The following TNRC6B variants were observed in gnomAD, a reference collection of about 807,000 sequenced individuals.
TNRC6B encodes trinucleotide repeat containing adaptor 6B.
TNRC6B carries 52 observed loss-of-function variants against 203.6 expected under a neutral mutation model. The observed-to-expected ratio is 0.26, with a 90% CI of 0.20 to 0.32. TNRC6B has a LOEUF of 0.32. Ranked by LOEUF, TNRC6B falls within the 10% of genes least tolerant of loss-of-function variation. The pLI is 1.00. For synonymous variants in TNRC6B, 838 were observed against 845.7 expected (o/e 0.99, Z 0.16); for missense variants, 1,923 against 2,286.2 (o/e 0.84, Z 3.24).
chr22:40,104,485 A>C (rs1280939810), intron 1 of TNRC6B, among the ~76,000 whole-genome samples: 1 of 152,222 alleles, frequency 6.6e-6, no homozygotes, highest in East Asian at 1.9e-4. Context: ...ATGTAGATCC[A>C]AATTTGGAGT....
intron 3 of TNRC6B, among the ~76,000 whole-genome samples, chr22:40,257,411 G>C (rs2070296893): frequency 6.6e-6 from 1 of 152,152 alleles, no homozygotes; most frequent in Non-Finnish European, 1.5e-5. Flanking sequence ...GCACGTAAAT[G>C]GTTCTTAAAA....
intron 1 of TNRC6B, among the ~76,000 whole-genome samples, chr22:40,184,646 G>A (rs2069177503): frequency 6.6e-6 from 1 of 152,212 alleles, no homozygotes; most frequent in African/African-American, 2.4e-5. Context: ...AGATGATACT[G>A]TAGTAATCTC....
Position 40,262,003 on chromosome 22 carries a change from G to A in TNRC6B, c.287G>A (p.Arg96His), listed in dbSNP as rs773882417. ...YMPREVPPRF[R>H]CQQDHKVLLK... Reference sequence around the variant, plus strand: ...CCTCGGGAGGTGCCGCCGCGATTCCGTTGCCAGCAGGACCACAAAGTGTTA... The same window carrying A: ...CCTCGGGAGGTGCCGCCGCGATTCCATTGCCAGCAGGACCACAAAGTGTTA... The change falls in exon 4 of 23, where the codon CGT becomes CAT. Residue 96 changes from arginine to histidine, a missense_variant. This residue lies in a region of TNRC6B where 111 missense variants were observed against 155.3 expected (regional missense o/e 0.71). Transcript: ENST00000454349. 6.2e-7 allele frequency: 1 copy of A among 1,609,020 alleles called. No individual in the cohort carries two copies. The highest frequency in any genetic ancestry group is 2.2e-5 in the East Asian group (1 of 44,718).
rs1399707649 is a variant in TNRC6B, at chr22:40,102,133, C to T, written c.-120-14922C>T. Among the ~76,000 whole-genome samples, 5 of 152,280 alleles carry T rather than the reference C, an allele frequency of 3.3e-5. No individual in the cohort carries two copies. In the East Asian group the frequency reaches 7.7e-4, roughly 23 times the overall value. On this transcript the variant is annotated intron_variant, in intron 1 of 23. Transcript: ENST00000301923. ...AACCCTATTTAGAAATCGTGTTTATCATATGAATATATTTTTTTAAAAAAA... is the reference window on the plus strand; with the variant it reads ...AACCCTATTTAGAAATCGTGTTTATTATATGAATATATTTTTTTAAAAAAA...
Position 40,312,587 on chromosome 22 carries a change from G to A in TNRC6B, c.4518G>A (p.Leu1506=), listed in dbSNP as rs759904036. ...SDPYVTPGSV[L]GGTATSPIVD... is the part of the protein sequence containing the mutation. ...CCTATGTCACCCCAGGAAGTGTGCT[G>A]GGGGGTACAGCCACATCTCCCATTG... Residue 1506 remains leucine (L), a synonymous_variant, in exon 18 of 23, where the codon CTG becomes CTA. Transcript: ENST00000454349. 2.5e-6 allele frequency: 4 copies of A among 1,613,600 alleles called. No individual in the cohort carries two copies. The highest frequency in any genetic ancestry group is 3.4e-6 in the Non-Finnish European group (4 of 1,179,830).
chr22:40,250,744 A>ATGCCTC (rs746275725), intron 2 of TNRC6B, among the ~76,000 whole-genome samples: 9 of 152,150 alleles, frequency 5.9e-5, no homozygotes, highest in African/African-American at 9.7e-5. Context: ...GATGCCTCTG[A>ATGCCTC]TGATGAGTCC....
intron 15 of TNRC6B, among the ~76,000 whole-genome samples, chr22:40,302,773 CTT>C (rs1215413660): frequency 6.6e-6 from 1 of 152,174 alleles, no homozygotes; most frequent in Non-Finnish European, 1.5e-5. Context: ...TGAGCAAAGA[CTT>C]CAAGGTGTTC....
At chr22:40,308,037 G>T (rs2071114815) in intron 15 of TNRC6B, among the ~76,000 whole-genome samples, 1 of 152,086 alleles carries the variant, frequency 6.6e-6, no homozygotes, top group African/African-American at 2.4e-5. Context: ...TGATTATCAA[G>T]AGTCAGAGCT....
At chr22:40,210,102 G>A (rs1448116498) in intron 1 of TNRC6B, among the ~76,000 whole-genome samples, 1 of 151,822 alleles carries the variant, frequency 6.6e-6, no homozygotes, top group East Asian at 1.9e-4. Flanking sequence ...CACCACTGTT[G>A]GAGACCTTGT....
chr22:40,166,409 C>A (rs567243286), intron 4 of TNRC6B, among the ~76,000 whole-genome samples: 2 of 150,528 alleles, frequency 1.3e-5, no homozygotes, highest in Non-Finnish European at 2.9e-5. Context: ...TTTTCCCCTA[C>A]ATTTTTTGGC....
At chr22:40,287,598 G>C (rs139271554) in intron 12 of TNRC6B, among the ~76,000 whole-genome samples, 3 of 152,298 alleles carry the variant, frequency 2.0e-5, no homozygotes, top group Non-Finnish European at 4.4e-5. Context: ...CCTTTAGACA[G>C]AGCCATTTCT....
At chr22:40,293,123 G>C (rs1367842935) in intron 12 of TNRC6B, among the ~76,000 whole-genome samples, 2 of 147,388 alleles carry the variant, frequency 1.4e-5, no homozygotes, top group African/African-American at 5.0e-5. Context: ...CAGGTCTACT[G>C]TTCATAGACA....
intron 1 of TNRC6B, among the ~76,000 whole-genome samples, chr22:40,224,291 C>T (rs2069754145): frequency 1.3e-5 from 2 of 152,214 alleles, no homozygotes; most frequent in African/African-American, 4.8e-5. Flanking sequence ...AGGCGTGAAC[C>T]ACCATGCCTA....
intron 3 of TNRC6B, among the ~76,000 whole-genome samples, chr22:40,252,451 C>T (rs893717958): frequency 6.6e-6 from 1 of 152,112 alleles, no homozygotes; most frequent in African/African-American, 2.4e-5. Context: ...TTTTGTTGGA[C>T]TACCAGACCA....
intron 1 of TNRC6B, among the ~76,000 whole-genome samples, chr22:40,046,572 C>T (rs910269942): frequency 2.0e-5 from 3 of 151,538 alleles, no homozygotes; most frequent in African/African-American, 7.3e-5. Flanking sequence ...AAATGTCATG[C>T]CCTTGAAAAA....
At chr22:40,279,001 A>G (rs2070690056) in intron 9 of TNRC6B, among the ~76,000 whole-genome samples, 1 of 152,224 alleles carries the variant, frequency 6.6e-6, no homozygotes, top group Non-Finnish European at 1.5e-5. Context: ...TCGCCTTCCC[A>G]AAGTGCTGGG....
intron 1 of TNRC6B, among the ~76,000 whole-genome samples, chr22:40,207,419 ATATATAT>A (rs1217405927): frequency 6.3e-4 from 45 of 71,638 alleles, no homozygotes; most frequent in African/African-American, 4.1e-3. Context: ...AAAAAAAAAA[ATATATAT>A]ATATATATAT....
intron 1 of TNRC6B, among the ~76,000 whole-genome samples, chr22:40,210,040 T>C (rs945834773): frequency 1.4e-5 from 2 of 147,288 alleles, no homozygotes; most frequent in Non-Finnish European, 3.0e-5. Context: ...AAAGAGAGAA[T>C]GCAGATGTGA....
intron 1 of TNRC6B, among the ~76,000 whole-genome samples, chr22:40,061,752 A>G (rs146619180): frequency 2.6e-4 from 39 of 152,186 alleles, no homozygotes; most frequent in African/African-American, 7.7e-4. Context: ...CTATCTTCAA[A>G]TAGTATAGTA....
Sources: gnomAD v4.1 joint callset for allele counts (sites outside exome capture counted in the v4.1 genomes callset) on GRCh38, gnomAD v4.1.1 for gene constraint, gnomAD v4.1.1 regional missense constraint, MANE v1.5 for transcripts, NCBI Gene and HGNC (gene_info 2026-07-23, HGNC 2026-07-21) for gene names.